The following KCNB2 variants were observed in gnomAD, a reference collection of about 807,000 sequenced individuals.
KCNB2 encodes the protein delayed rectifier potassium channel protein.
In KCNB2, 15 loss-of-function variants were observed where a neutral mutation model predicts 61.5. The ratio of observed to expected loss-of-function variants is 0.24; its 90% CI spans 0.16 to 0.38. KCNB2 has a LOEUF of 0.38. KCNB2 is among the 10% of genes least tolerant of loss of function. KCNB2 has a pLI of 1.00. For missense variants in KCNB2, 828 were observed against 1,125.2 expected, an observed-to-expected ratio of 0.74 and a Z score of 3.78; for synonymous variants, 457 against 446.0, an observed-to-expected ratio of 1.02 and a Z score of -0.31.
At chr8:72,720,088 C>T (rs1378784463) in intron 2 of KCNB2, among the ~76,000 whole-genome samples, 1 of 152,166 alleles carries the variant, frequency 6.6e-6, no homozygotes, top group Non-Finnish European at 1.5e-5. Flanking sequence ...CTCGCATCAA[C>T]ACACTGTACC....
chr8:72,662,155 A>ATGGGAG (rs1321624202), intron 2 of KCNB2, among the ~76,000 whole-genome samples: 1 of 152,114 alleles, frequency 6.6e-6, no homozygotes, highest in African/African-American at 2.4e-5. Context: ...ATAGCAATCC[A>ATGGGAG]TGGGCTCTGG....
At chr8:72,680,493 G>A (rs559526754) in intron 2 of KCNB2, among the ~76,000 whole-genome samples, 8 of 152,308 alleles carry the variant, frequency 5.3e-5, no homozygotes, top group East Asian at 3.9e-4. Flanking sequence ...AAGCAGCATC[G>A]TATGGACGTG....
chr8:72,752,848 A>C (rs1240233668), intron 2 of KCNB2, among the ~76,000 whole-genome samples: 1 of 152,106 alleles, frequency 6.6e-6, no homozygotes, highest in Non-Finnish European at 1.5e-5. Context: ...TATCACACAC[A>C]CTCTACTCAG....
At chr8:72,562,843 A>G (rs1806558526) in intron 1 of KCNB2, among the ~76,000 whole-genome samples, 1 of 152,222 alleles carries the variant, frequency 6.6e-6, no homozygotes, top group Admixed American at 6.5e-5. Context: ...GTAACATCAT[A>G]TACACTTTAA....
Position 72,548,602 on chromosome 8 carries a change from C to A in KCNB2, c.-94+10717C>A, listed in dbSNP as rs112076531. On this transcript the variant is annotated intron_variant, in intron 1 of 2. Coordinates refer to ENST00000523207, the MANE Select transcript of KCNB2 (RefSeq NM_004770.3). ...GAACTTATAGGGCCTTATAGGCCTG[C>A]TTCTTCCCAATCCAAGCCTAGATAC... is the stretch of plus-strand genomic sequence containing the variant. 5.8e-3 allele frequency among the ~76,000 whole-genome samples: 890 copies of A among 152,288 alleles called. 9 individuals are homozygous for A. The highest frequency in any genetic ancestry group is 0.02 in the African/African-American group (843 of 41,558).
intron 2 of KCNB2, among the ~76,000 whole-genome samples, chr8:72,763,580 G>C (rs1368349361): frequency 6.6e-6 from 1 of 152,162 alleles, no homozygotes; most frequent in Non-Finnish European, 1.5e-5. Flanking sequence ...ATTTGGTTGT[G>C]ATTATTTAAA....
At chr8:72,554,429 T>C (rs190680316) in intron 1 of KCNB2, among the ~76,000 whole-genome samples, 81 of 152,278 alleles carry the variant, frequency 5.3e-4, no homozygotes, top group Non-Finnish European at 9.1e-4. Context: ...GAATCATTAA[T>C]AATAAGGTTC....
intron 2 of KCNB2, among the ~76,000 whole-genome samples, chr8:72,775,702 A>G (rs1483847468): frequency 6.9e-6 from 1 of 145,328 alleles, no homozygotes; most frequent in African/African-American, 2.6e-5. Context: ...AGGGGAGATT[A>G]AGTGGCTATA....
intron 2 of KCNB2, among the ~76,000 whole-genome samples, chr8:72,922,866 G>A (rs377395770): frequency 3.8e-4 from 58 of 152,308 alleles, no homozygotes; most frequent in African/African-American, 1.3e-3. Context: ...ACATGCCCAT[G>A]GCACAGCCTC....
intron 2 of KCNB2, among the ~76,000 whole-genome samples, chr8:72,643,407 A>C (rs956842634): frequency 6.6e-6 from 1 of 152,148 alleles, no homozygotes; most frequent in Non-Finnish European, 1.5e-5. Flanking sequence ...CAGACTCTGC[A>C]TCAACTCCTA....
chr8:72,862,230 TA>T (rs951039050), intron 2 of KCNB2, among the ~76,000 whole-genome samples: 2 of 151,978 alleles, frequency 1.3e-5, no homozygotes, highest in East Asian at 1.9e-4. Flanking sequence ...AAGAAACTTG[TA>T]AAAAAAATGG....
At chr8:72,636,279 C>T (rs765733396) in intron 2 of KCNB2, among the ~76,000 whole-genome samples, 3 of 152,090 alleles carry the variant, frequency 2.0e-5, no homozygotes, top group Non-Finnish European at 2.9e-5. Flanking sequence ...AATAAATCGT[C>T]GCTCAGGGAC....
intron 1 of KCNB2, among the ~76,000 whole-genome samples, chr8:72,540,430 C>T (rs1357141366): frequency 6.6e-6 from 1 of 152,122 alleles, no homozygotes; most frequent in African/African-American, 2.4e-5. Context: ...ATTATTTTCA[C>T]AGAAGCTTCA....
rs774181145 is a variant in KCNB2, at chr8:72,937,655, C to G, written c.2300C>G (p.Pro767Arg). 1 of 1,614,038 alleles carries G rather than the reference C, an allele frequency of 6.2e-7. No homozygotes were observed. Among genetic ancestry groups the G allele is most frequent in the South Asian group, 1.1e-5 (1 of 91,070 alleles). ...GAAACCCCCTCCCAGGGAGACAGAC[C>G]CTTGCTGGGCACTGAGGTTTCAGCG... ...LEETPSQGDR[P>R]LLGTEVSAPC... The change falls in exon 3 of 3, where the codon CCC (proline) becomes CGC (arginine). Residue 767 changes from proline (P) to arginine (R), a missense_variant. Pro to Arg is a moderately radical substitution (Grantham distance 103). This residue lies in a region of KCNB2 where 559 missense variants were observed against 588.4 expected (regional missense o/e 0.95). Coordinates refer to ENST00000523207, the MANE Select transcript of KCNB2 (RefSeq NM_004770.3).
Position 72,938,155 on chromosome 8 carries a change from C to A in KCNB2, c.*64C>A, listed in dbSNP as rs546890820. The A allele has an allele frequency of 2.3e-4, 310 of 1,360,534 alleles. 2 individuals are homozygous for A. In the South Asian group the frequency reaches 3.7e-3, roughly 16 times the overall value. 84.3% of individuals were successfully genotyped at this position (1,360,534 alleles called of 1,614,324 possible). ...AAACAAAACTTGTTTCTTAAAAATG[C>A]GGTTAATAATGCCTGTGAACTAAAA... On this transcript the variant is annotated 3_prime_UTR_variant, in exon 3 of 3. Coordinates refer to ENST00000523207, the MANE Select transcript of KCNB2 (RefSeq NM_004770.3).
chr8:72,937,231 G>A lies in KCNB2; in HGVS notation c.1876G>A (p.Ala626Thr), dbSNP rs139648032. 5.6e-5 allele frequency: 91 copies of A among 1,613,796 alleles called. No individual in the cohort carries two copies. The highest frequency in any genetic ancestry group is 4.1e-4 in the African/African-American group (31 of 74,892). The change falls in exon 3 of 3, where the codon GCC (alanine) becomes ACC (threonine). Residue 626 changes from alanine (A) to threonine (T), a missense_variant. Transcript: ENST00000523207. ...TERSPLPPPS[A>T]SHLQMKFPTD... is the part of the protein sequence containing the mutation. ...GAGATCGCCGCTGCCGCCGCCCTCC[G>A]CCTCTCACTTGCAGATGAAGTTCCC...
intron 2 of KCNB2, among the ~76,000 whole-genome samples, chr8:72,730,064 T>C (rs1807715122): frequency 6.6e-6 from 1 of 152,172 alleles, no homozygotes; most frequent in Admixed American, 6.6e-5. Context: ...TTGTTTAATG[T>C]AAAGTTCCTT....
At chr8:72,740,888 T>TTCA (rs1807946138) in intron 2 of KCNB2, among the ~76,000 whole-genome samples, 1 of 152,212 alleles carries the variant, frequency 6.6e-6, no homozygotes, top group South Asian at 2.1e-4. Flanking sequence ...AATTGTTCCA[T>TTCA]GGTTTACATC....
At chr8:72,637,570 T>G (rs753663932) in intron 2 of KCNB2, among the ~76,000 whole-genome samples, 4 of 152,094 alleles carry the variant, frequency 2.6e-5, no homozygotes, top group Non-Finnish European at 5.9e-5. Flanking sequence ...GCACTGCCAG[T>G]GATGCTCATG....
Sources: gnomAD v4.1 joint callset for allele counts (sites outside exome capture counted in the v4.1 genomes callset) on GRCh38, gnomAD v4.1.1 for gene constraint, gnomAD v4.1.1 regional missense constraint, MANE v1.5 for transcripts, NCBI Gene and HGNC (gene_info 2026-07-23, HGNC 2026-07-21) for gene names.